SDK1: variants seen among roughly 807,000 people sequenced by gnomAD.
SDK1 encodes the protein protein sidekick-1.
SDK1 carries 157 observed loss-of-function variants against 245.5 expected under a neutral mutation model. That is an observed-to-expected ratio of 0.64 (90% CI 0.56 to 0.73). SDK1 has a LOEUF of 0.73. SDK1 is among the 30% of genes least tolerant of loss of function. SDK1 has a pLI of 0.00. For synonymous variants in SDK1, 1,647 were observed against 1,278.5 expected (o/e 1.29, Z -6.15); for missense variants, 3,583 against 3,002.3 (o/e 1.19, Z -4.52).
intron 1 of SDK1, among the ~76,000 whole-genome samples, chr7:3,336,680 G>C (rs1328954506): frequency 6.6e-6 from 1 of 152,108 alleles, no homozygotes; most frequent in Non-Finnish European, 1.5e-5. Context: ...CAACAAACTG[G>C]CATGGCTTAG....
intron 4 of SDK1, among the ~76,000 whole-genome samples, chr7:3,809,175 C>T (rs1454962648): frequency 2.6e-5 from 4 of 152,020 alleles, no homozygotes; most frequent in Admixed American, 6.5e-5. Flanking sequence ...GGAGGAGGCG[C>T]GCTACATGGC....
At chr7:3,759,942 T>C (rs1027605992) in intron 4 of SDK1, among the ~76,000 whole-genome samples, 4 of 152,188 alleles carry the variant, frequency 2.6e-5, no homozygotes, top group Non-Finnish European at 4.4e-5. Context: ...TACAATTTGC[T>C]GTGCTATATA....
chr7:4,241,687 C>G, intron 42 of SDK1, 106 bp from the exon 43 acceptor site: 1 of 1,399,032 alleles, frequency 7.1e-7, no homozygotes, highest in Non-Finnish European at 9.9e-7. Flanking sequence ...CTGGGCTCTG[C>G]GTGCAGCAGG....
chr7:3,644,802 A>AAAAAAAAAAACAG (rs1297841435), intron 4 of SDK1, among the ~76,000 whole-genome samples: 2,650 of 130,830 alleles, frequency 0.02, 53 homozygotes, highest in South Asian at 0.033. Context: ...ACAAAAAACA[A>AAAAAAAAAAACAG]CAACAACGGC....
intron 1 of SDK1, among the ~76,000 whole-genome samples, chr7:3,404,298 T>C (rs1778994881): frequency 6.6e-6 from 1 of 152,180 alleles, no homozygotes. Context: ...TTTCTGTGTA[T>C]ATTTAAATAA....
chr7:3,583,293 A>C (rs889087931), intron 1 of SDK1, among the ~76,000 whole-genome samples: 3 of 152,256 alleles, frequency 2.0e-5, no homozygotes, highest in Non-Finnish European at 2.9e-5. Flanking sequence ...CTGCTTTCTT[A>C]GTAAACAAAT....
intron 5 of SDK1, among the ~76,000 whole-genome samples, chr7:3,858,387 A>G (rs1337750430): frequency 6.6e-6 from 1 of 152,202 alleles, no homozygotes; most frequent in Non-Finnish European, 1.5e-5. Context: ...CCCCATCTCA[A>G]AAAAACAAAA....
At chr7:3,713,284 G>T (rs1279554930) in intron 4 of SDK1, among the ~76,000 whole-genome samples, 1 of 152,178 alleles carries the variant, frequency 6.6e-6, no homozygotes, top group African/African-American at 2.4e-5. Context: ...GGGAGCTCAG[G>T]CTCTGTGTTG....
At chr7:3,636,055 T>C (rs1782449217) in intron 2 of SDK1, among the ~76,000 whole-genome samples, 1 of 152,336 alleles carries the variant, frequency 6.6e-6, no homozygotes, top group East Asian at 1.9e-4. Flanking sequence ...ATTTTTATTT[T>C]TTAATACGAT....
intron 1 of SDK1, among the ~76,000 whole-genome samples, chr7:3,343,277 C>T (rs1030225774): frequency 1.3e-5 from 2 of 152,108 alleles, no homozygotes. Flanking sequence ...CCCAGATGTC[C>T]TTCAGTGAAC....
At chr7:3,397,313 T>C (rs1261629284) in intron 1 of SDK1, among the ~76,000 whole-genome samples, 1 of 152,036 alleles carries the variant, frequency 6.6e-6, no homozygotes, top group Non-Finnish European at 1.5e-5. Flanking sequence ...ATTTTTTTCA[T>C]ATGGATTTGA....
At chr7:3,997,226 T>G (rs1235794497) in intron 14 of SDK1, among the ~76,000 whole-genome samples, 2 of 152,300 alleles carry the variant, frequency 1.3e-5, no homozygotes, top group African/African-American at 4.8e-5. Flanking sequence ...TTGTCCGAGT[T>G]CTCGTCTTGT....
intron 4 of SDK1, among the ~76,000 whole-genome samples, chr7:3,651,771 A>G (rs574012928): frequency 2.6e-5 from 4 of 152,286 alleles, no homozygotes; most frequent in African/African-American, 7.2e-5. Flanking sequence ...CCTTAAGACA[A>G]CCATACATGT....
intron 1 of SDK1, among the ~76,000 whole-genome samples, chr7:3,363,072 A>G (rs1271173503): frequency 1.3e-5 from 2 of 152,200 alleles, no homozygotes; most frequent in Admixed American, 6.5e-5. Context: ...CAGTCAAGAA[A>G]CAGAACGTTT....
At chr7:3,740,058 A>G (rs1003688937) in intron 4 of SDK1, among the ~76,000 whole-genome samples, 1 of 152,138 alleles carries the variant, frequency 6.6e-6, no homozygotes. Context: ...TCTTTAAATT[A>G]TTTGAGGGAT....
At chr7:3,978,958 T>C (rs961145856) in intron 13 of SDK1, among the ~76,000 whole-genome samples, 1 of 152,200 alleles carries the variant, frequency 6.6e-6, no homozygotes, top group Non-Finnish European at 1.5e-5. Flanking sequence ...CTCACGTCTG[T>C]TTGCCCCGAG....
At chr7:3,820,380 C>T (rs1779615119) in intron 4 of SDK1, among the ~76,000 whole-genome samples, 2 of 152,136 alleles carry the variant, frequency 1.3e-5, no homozygotes, top group African/African-American at 2.4e-5. Context: ...GATCTCTTGA[C>T]GTCACAATCT....
At chr7:4,150,479 C>T (rs1005359079) in intron 30 of SDK1, among the ~76,000 whole-genome samples, 1 of 152,214 alleles carries the variant, frequency 6.6e-6, no homozygotes, top group African/African-American at 2.4e-5. Context: ...CTCTGCGTCC[C>T]TGCAGTCACC....
At chr7:3,837,384 C>T (rs577429852) in intron 5 of SDK1, among the ~76,000 whole-genome samples, 2 of 152,274 alleles carry the variant, frequency 1.3e-5, no homozygotes, top group African/African-American at 4.8e-5. Context: ...CCCCTTTCCC[C>T]AGTTTAAACA....
Sources: gnomAD v4.1 joint callset for allele counts (sites outside exome capture counted in the v4.1 genomes callset) on GRCh38, gnomAD v4.1.1 for gene constraint, MANE v1.5 for transcripts, NCBI Gene and HGNC (gene_info 2026-07-23, HGNC 2026-07-21) for gene names.